Variants in FYB2 observed in about 807,000 individuals in gnomAD.
FYB2 encodes FYN binding protein 2.
Under a neutral mutation model 94.1 loss-of-function variants are expected in FYB2, and 103 were observed. The observed-to-expected ratio is 1.09, with a 90% CI of 0.93 to 1.29. The LOEUF is 1.29. FYB2 is among the 50% of genes most tolerant of loss of function. The pLI is 0.00. For missense variants in FYB2, 896 were observed against 841.5 expected, an observed-to-expected ratio of 1.06 and a Z score of -0.80; for synonymous variants, 293 against 287.9, an observed-to-expected ratio of 1.02 and a Z score of -0.18.
chr1:56,823,466 GA>G (rs553937522), upstream of FYB2, among the ~76,000 whole-genome samples: 65 of 152,314 alleles, frequency 4.3e-4, no homozygotes, highest in African/African-American at 1.5e-3. Flanking sequence ...AAAATGCCTA[GA>G]ATTATCTTGG....
At chr1:56,772,350 A>G (rs1441624546) in intron 4 of FYB2, among the ~76,000 whole-genome samples, 1 of 152,184 alleles carries the variant, frequency 6.6e-6, no homozygotes, top group African/African-American at 2.4e-5. Flanking sequence ...GTCTTTGCAG[A>G]GAATCAGTGC....
At chr1:56,731,765 G>T (rs1401139310) in intron 15 of FYB2, 2 of 152,112 alleles carry the variant, frequency 1.3e-5, no homozygotes, top group African/African-American at 4.8e-5. Flanking sequence ...TTCAATAGAT[G>T]CAGAAAAAGC....
intron 1 of FYB2, among the ~76,000 whole-genome samples, chr1:56,807,810 G>A (rs1646680926): frequency 6.6e-6 from 1 of 152,190 alleles, no homozygotes; most frequent in Non-Finnish European, 1.5e-5. Context: ...TCAGATATCT[G>A]TGTTTGGATC....
chr1:56,802,343 C>A (rs1295568086), intron 1 of FYB2, among the ~76,000 whole-genome samples: 1 of 152,180 alleles, frequency 6.6e-6, no homozygotes, highest in Non-Finnish European at 1.5e-5. Flanking sequence ...AACACTTCAT[C>A]CCCATTTAGT....
chr1:56,808,368 C>T (rs1039610918), intron 1 of FYB2, among the ~76,000 whole-genome samples: 2 of 152,136 alleles, frequency 1.3e-5, no homozygotes, highest in Non-Finnish European at 2.9e-5. Context: ...GTTTGAAAGA[C>T]CCTTTATCTG....
At chr1:56,771,167 A>G (rs1464203849) in intron 4 of FYB2, among the ~76,000 whole-genome samples, 1 of 151,942 alleles carries the variant, frequency 6.6e-6, no homozygotes, top group Non-Finnish European at 1.5e-5. Context: ...CAAATATAGG[A>G]GAATGATTAC....
At position 56,758,714 on chromosome 1, in the gene FYB2, A is replaced by T. The variant is rs142698557; in HGVS notation, c.1098+2T>A. On this transcript the variant is annotated splice_donor_variant, in intron 6 of 19. Coordinates refer to ENST00000343433, the MANE Select transcript of FYB2 (RefSeq NM_001004303.5). LOFTEE classifies it high-confidence loss of function. ...TACAATGTTGGTAAGGAGAAACAAT[A>T]CCTTTTGGAGTTCTTCAATTCCAAC... 4.4e-4 allele frequency: 704 copies of T among 1,590,042 alleles called. 1 individual carries two copies. The East Asian group carries it at 5.5e-3, about 12-fold the overall frequency.
At chr1:56,746,338 T>A (rs1203981222) in intron 9 of FYB2, among the ~76,000 whole-genome samples, 1 of 152,010 alleles carries the variant, frequency 6.6e-6, no homozygotes, top group Non-Finnish European at 1.5e-5. Flanking sequence ...ATTTTTAAAT[T>A]TTTATCTATT....
chr1:56,771,761 G>A (rs917076546), intron 4 of FYB2, among the ~76,000 whole-genome samples: 10 of 152,088 alleles, frequency 6.6e-5, no homozygotes, highest in African/African-American at 2.4e-4. Flanking sequence ...TTAGCATTTG[G>A]TAGTCTTCCT....
At chr1:56,823,189 C>T (rs1229483137), upstream of FYB2, among the ~76,000 whole-genome samples, 1 of 152,054 alleles carries the variant, frequency 6.6e-6, no homozygotes, top group Admixed American at 6.6e-5. Flanking sequence ...GATGTCCTGG[C>T]CATGCGGAGA....
At chr1:56,790,876 G>A (rs1646246024) in intron 2 of FYB2, among the ~76,000 whole-genome samples, 1 of 152,168 alleles carries the variant, frequency 6.6e-6, no homozygotes, top group African/African-American at 2.4e-5. Flanking sequence ...AGGCCTAAAT[G>A]CAGCTACAAA....
intron 13 of FYB2, among the ~76,000 whole-genome samples, chr1:56,739,092 G>A (rs1234822899): frequency 6.6e-6 from 1 of 152,012 alleles, no homozygotes; most frequent in African/African-American, 2.4e-5. Flanking sequence ...TTTAGTGAGA[G>A]ACAGAACTAG....
At chr1:56,749,434 A>G (rs1645145107) in intron 9 of FYB2, among the ~76,000 whole-genome samples, 1 of 151,702 alleles carries the variant, frequency 6.6e-6, no homozygotes, top group Non-Finnish European at 1.5e-5. Context: ...ATTTCTTTAG[A>G]TTTATCTTTT....
Position 56,791,561 on chromosome 1 carries a change from T to C in FYB2, c.757+495A>G, listed in dbSNP as rs371054833. On this transcript the variant is annotated intron_variant, in intron 2 of 19. Transcript: ENST00000343433. ...CCGTGCCCAGCCAGTCCTTATCCTT[T>C]CATAACTTAGATAATACTAAGGTGA... Among the ~76,000 whole-genome samples the C allele has an allele frequency of 1.1e-4, 17 of 152,296 alleles. No individual in the cohort carries two copies. In the South Asian group the frequency reaches 3.5e-3, roughly 32 times the overall value.
At chr1:56,757,810 C>G (rs147985459) in intron 6 of FYB2, among the ~76,000 whole-genome samples, 1 of 149,218 alleles carries the variant, frequency 6.7e-6, no homozygotes. Context: ...CTGTCTACTG[C>G]CCAGGCTAAA....
At chr1:56,766,241 T>C (rs1349113094) in intron 5 of FYB2, among the ~76,000 whole-genome samples, 2 of 152,042 alleles carry the variant, frequency 1.3e-5, no homozygotes, top group African/African-American at 2.4e-5. Flanking sequence ...ACGCTAGAAA[T>C]TGAGAAGCCC....
chr1:56,796,660 C>T (rs141325718), intron 1 of FYB2, among the ~76,000 whole-genome samples: 1 of 152,246 alleles, frequency 6.6e-6, no homozygotes, highest in East Asian at 1.9e-4. Flanking sequence ...ACATAAGACC[C>T]ATCCTAATCC....
rs77936638 is a variant in FYB2 at position 56,745,036 on chromosome 1, G to C, written c.1388-770C>G. Among the ~76,000 whole-genome samples the C allele has an allele frequency of 9.6e-4, 146 of 152,146 alleles. 1 individual carries two copies. The highest frequency in any genetic ancestry group is 3.5e-3 in the African/African-American group (145 of 41,550). ...ATAAGATTTTATCCTCTGACAAGAAGTCAGTGAGCGTGTAGGCCCCAAACC... is the reference window on the plus strand; with the variant it reads ...ATAAGATTTTATCCTCTGACAAGAACTCAGTGAGCGTGTAGGCCCCAAACC... On this transcript the variant is annotated intron_variant, in intron 9 of 19. Transcript: ENST00000343433.
chr1:56,774,342 T>A (rs1267808671), intron 4 of FYB2, among the ~76,000 whole-genome samples: 1 of 152,158 alleles, frequency 6.6e-6, no homozygotes, highest in African/African-American at 2.4e-5. Context: ...TGATATAATT[T>A]ATGCCATGCT....
Sources: allele counts gnomAD v4.1 joint callset (sites outside exome capture counted in the v4.1 genomes callset), GRCh38; gene constraint gnomAD v4.1.1; transcripts MANE v1.5; gene names NCBI Gene and HGNC (gene_info 2026-07-23, HGNC 2026-07-21).